Variants in PLCZ1 observed in about 807,000 individuals in gnomAD.
PLCZ1 encodes the protein 1-phosphatidylinositol 4,5-bisphosphate phosphodiesterase zeta-1.
Under a neutral mutation model 76.8 loss-of-function variants are expected in PLCZ1, and 64 were observed. That is an observed-to-expected ratio of 0.83 (90% CI 0.68 to 1.03). The LOEUF is 1.03. Ranked by LOEUF, PLCZ1 falls within the 50% of genes least tolerant of loss-of-function variation. The pLI is 0.00. For missense variants in PLCZ1, 751 were observed against 713.7 expected, an observed-to-expected ratio of 1.05 and a Z score of -0.60; for synonymous variants, 248 against 230.8, an observed-to-expected ratio of 1.07 and a Z score of -0.68.
chr12:18,724,932 T>TCAAA (rs1305155402), intron 3 of PLCZ1, among the ~76,000 whole-genome samples: 1 of 152,148 alleles, frequency 6.6e-6, no homozygotes, highest in Non-Finnish European at 1.5e-5. Context: ...TTTATTACTT[T>TCAAA]CAAACAGAGT....
Position 18,684,162 on chromosome 12 carries a change from T to C in PLCZ1, c.1709A>G (p.Gln570Arg), listed in dbSNP as rs1024791243. 1 of 1,612,132 alleles carries C rather than the reference T, an allele frequency of 6.2e-7. No homozygotes were observed. Residue 570 changes from glutamine (Q) to arginine (R), a missense_variant, in exon 14 of 15, where the codon CAA (glutamine) becomes CGA (arginine). Physicochemically the swap from Gln to Arg is conservative, Grantham distance 43. Coordinates refer to ENST00000266505, the MANE Select transcript of PLCZ1 (RefSeq NM_033123.4). ...CATGCATAGAAGTGGCAAAGTATAT[T>C]GCCCAAGAAATTCATTTCCTGCTAT... ...GLIAGNEFLG[Q>R]YTLPLLCMNK...
At chr12:18,720,166 T>C (rs1958355904) in intron 4 of PLCZ1, among the ~76,000 whole-genome samples, 1 of 152,100 alleles carries the variant, frequency 6.6e-6, no homozygotes, top group South Asian at 2.1e-4. Flanking sequence ...AGATTTACTC[T>C]TGTAGTTGCA....
At chr12:18,661,375 AAAG>A in the PLCZ1 span, among the ~76,000 whole-genome samples, 3 of 106,882 alleles carry the variant, frequency 2.8e-5, no homozygotes, top group African/African-American at 5.5e-5. Context: ...AAATAAAAAA[AAAG>A]AGAGAGAGAG....
At position 18,705,277 on chromosome 12, in the gene PLCZ1, G is replaced by C; in HGVS notation, c.753C>G (p.His251Gln). Residue 251 changes from histidine (H) to glutamine (Q), a missense_variant, in exon 7 of 15, where the codon CAC becomes CAG. Transcript: ENST00000266505. Reference sequence around the variant, plus strand: ...TTACTTCTTGTTGGGCAGTGGAGCAGTGATTTTCTAAAGAGAGCACCACTG... The same window carrying C: ...TTACTTCTTGTTGGGCAGTGGAGCACTGATTTTCTAAAGAGAGCACCACTG... The part of the protein sequence containing the change: ...DYPVVLSLEN[H>Q]CSTAQQEVMA... 1 of 1,614,092 alleles carries C rather than the reference G, an allele frequency of 6.2e-7. No individual in the cohort carries two copies. Among genetic ancestry groups the C allele is most frequent in the South Asian group, 1.1e-5 (1 of 91,080 alleles).
At position 18,723,525 on chromosome 12, in the gene PLCZ1, T is replaced by A. The variant is rs750648027; in HGVS notation, c.153A>T (p.Lys51Asn). 1 of 1,612,230 alleles carries A rather than the reference T, an allele frequency of 6.2e-7. No homozygotes were observed. Among genetic ancestry groups the A allele is most frequent in the South Asian group, 1.1e-5 (1 of 91,048 alleles). Residue 51 changes from lysine to asparagine, a missense_variant, in exon 4 of 15, where the codon AAA becomes AAT. Coordinates refer to ENST00000266505, the MANE Select transcript of PLCZ1 (RefSeq NM_033123.4). Reference protein sequence around the residue: ...KQIFKDNDRLKQGRITIEEFR... With the variant: ...KQIFKDNDRLNQGRITIEEFR... Reference sequence around the variant, plus strand: ...ATTCTTCTATGGTGATTCTTCCTTGTTTCAGCCTGTCATTGTCCTACTAAA... The same window carrying A: ...ATTCTTCTATGGTGATTCTTCCTTGATTCAGCCTGTCATTGTCCTACTAAA...
At chr12:18,688,300 A>T in intron 12 of PLCZ1, 82 bp from the exon 13 acceptor site, 1 of 1,436,068 alleles carries the variant, frequency 7.0e-7, no homozygotes, top group Non-Finnish European at 9.4e-7. Context: ...GTTATGTATT[A>T]CAAAAAGTTG....
At chr12:18,707,869 T>C (rs995967628) in intron 6 of PLCZ1, among the ~76,000 whole-genome samples, 1 of 152,188 alleles carries the variant, frequency 6.6e-6, no homozygotes, top group Non-Finnish European at 1.5e-5. Flanking sequence ...TTTTGGGTGT[T>C]TTTAAATGCA....
chr12:18,737,224 A>G lies in PLCZ1; in HGVS notation c.11+137T>C, dbSNP rs868700111. 11 of 937,616 alleles carry G rather than the reference A, an allele frequency of 1.2e-5. No individual in the cohort carries two copies. In the African/African-American group the frequency reaches 1.5e-4, roughly 13 times the overall value. 58.1% of individuals were successfully genotyped at this position (937,616 alleles called of 1,614,324 possible). On this transcript the variant is annotated intron_variant, in intron 2 of 14. Transcript: ENST00000266505. ...TGCAGGGAAAGTTAGAAAAGCTCAG[A>G]ACAAACAGGGAAAAGCAGTTCAACT...
intron 5 of PLCZ1, among the ~76,000 whole-genome samples, chr12:18,718,685 A>T (rs1958242266): frequency 6.6e-6 from 1 of 152,150 alleles, no homozygotes; most frequent in Non-Finnish European, 1.5e-5. Context: ...ACCCTAAGTA[A>T]CACCCTCCAC....
intron 10 of PLCZ1, among the ~76,000 whole-genome samples, chr12:18,696,584 G>C (rs775017150): frequency 2.0e-5 from 3 of 151,564 alleles, no homozygotes; most frequent in Non-Finnish European, 4.4e-5. Flanking sequence ...TTTGTTGTAA[G>C]AATACATAAA....
At chr12:18,693,244 T>G in intron 12 of PLCZ1, 1 of 1,551,236 alleles carries the variant, frequency 6.4e-7, no homozygotes, top group Non-Finnish European at 8.9e-7. Context: ...AACCACAAGG[T>G]GCATACCATG....
At chr12:18,654,114 T>C in the PLCZ1 span, among the ~76,000 whole-genome samples, 2 of 151,774 alleles carry the variant, frequency 1.3e-5, no homozygotes, top group African/African-American at 4.8e-5. Flanking sequence ...TTAAAAGAAA[T>C]ATTGGGATCT....
chr12:18,723,279 T>C (rs752501402), intron 4 of PLCZ1, 32 bp downstream of exon 4: 5 of 1,551,480 alleles, frequency 3.2e-6, no homozygotes, highest in Middle Eastern at 1.7e-4. Flanking sequence ...CACATATAAA[T>C]ATTCCGATAA....
intron 12 of PLCZ1, chr12:18,693,489 C>T: frequency 6.2e-7 from 1 of 1,609,276 alleles, no homozygotes; most frequent in Non-Finnish European, 8.5e-7. Context: ...TTAGCCAAAG[C>T]AGTAGCAAAC....
At chr12:18,686,110 A>G (rs1366885543) in intron 13 of PLCZ1, among the ~76,000 whole-genome samples, 1 of 151,998 alleles carries the variant, frequency 6.6e-6, no homozygotes, top group Non-Finnish European at 1.5e-5. Flanking sequence ...ACTTCTGCGC[A>G]GTGTTTCTCA....
chr12:18,673,934 A>G, the PLCZ1 span, among the ~76,000 whole-genome samples: 1 of 152,190 alleles, frequency 6.6e-6, no homozygotes, highest in East Asian at 1.9e-4. Context: ...ACAATTGTCT[A>G]CTAGCAAGAT....
At chr12:18,701,602 A>G (rs758296920) in intron 8 of PLCZ1, 34 bp from the exon 9 acceptor site, 3 of 1,592,502 alleles carry the variant, frequency 1.9e-6, no homozygotes, top group Non-Finnish European at 8.5e-7. Flanking sequence ...GATTCTTTGA[A>G]TTTATCCTCC....
At chr12:18,683,715 G>T in intron 14 of PLCZ1, 2 of 997,930 alleles carry the variant, frequency 2.0e-6, no homozygotes, top group Non-Finnish European at 2.8e-6. Context: ...GCAACATAAA[G>T]GTAGTCAGCC....
chr12:18,732,589 T>G (rs1362116648), intron 3 of PLCZ1, among the ~76,000 whole-genome samples: 43 of 152,218 alleles, frequency 2.8e-4, no homozygotes. Flanking sequence ...TTGTGCCGTA[T>G]AACAGAAACT....
Sources: allele counts gnomAD v4.1 joint callset (sites outside exome capture counted in the v4.1 genomes callset), GRCh38; gene constraint gnomAD v4.1.1; transcripts MANE v1.5; gene names NCBI Gene and HGNC (gene_info 2026-07-23, HGNC 2026-07-21).